Variants in AIM2 observed in about 807,000 individuals in gnomAD.
The protein encoded by AIM2 is interferon-inducible protein AIM2.
In AIM2, 30 loss-of-function variants were observed where a neutral mutation model predicts 27.7. That is an observed-to-expected ratio of 1.08 (90% CI 0.81 to 1.47). AIM2 has a LOEUF of 1.47. Among genes scored for constraint, AIM2 ranks in the 40% most tolerant of loss-of-function variants. The probability of loss-of-function intolerance (pLI) is 0.00; values close to 1 mark genes in which losing one functional copy is unlikely to be tolerated. For synonymous variants in AIM2, 141 were observed against 145.3 expected (o/e 0.97, Z 0.21); for missense variants, 358 against 411.3 (o/e 0.87, Z 1.12).
At chr1:159,104,080 A>G (rs1657375307) in intron 1 of AIM2, among the ~76,000 whole-genome samples, 1 of 152,012 alleles carries the variant, frequency 6.6e-6, no homozygotes, top group African/African-American at 2.4e-5. Context: ...AGTAGGGAGT[A>G]TGGTCTGTAT....
rs560519482 is a variant in AIM2 at position 159,115,586 on chromosome 1, C to T, written c.-16+24845G>A. 2.6e-4 allele frequency among the ~76,000 whole-genome samples: 40 copies of T among 152,192 alleles called. 1 individual carries two copies. The highest frequency in any genetic ancestry group is 4.2e-4 in the South Asian group (2 of 4,812). On this transcript the variant is annotated intron_variant, in intron 1 of 2. Transcript: ENST00000368129. ...CTGACAAAAACAAAAAACGGGGAAA[C>T]GATTCCCTATTTAATAAATGGTGCT...
chr1:159,142,513 C>T (rs189144569), upstream of AIM2, among the ~76,000 whole-genome samples: 31 of 152,222 alleles, frequency 2.0e-4, no homozygotes, highest in Middle Eastern at 3.4e-3. Context: ...ACACAGCCCT[C>T]CTGTATCTCT....
At chr1:159,066,977 GTACA>G (rs1557891988) in intron 3 of AIM2, among the ~76,000 whole-genome samples, 1 of 151,998 alleles carries the variant, frequency 6.6e-6, no homozygotes, top group African/African-American at 2.4e-5. Context: ...TATTTAAAAA[GTACA>G]TCTTATTATT....
intron 1 of AIM2, among the ~76,000 whole-genome samples, chr1:159,111,870 C>T (rs537829387): frequency 1.1e-4 from 16 of 149,536 alleles, no homozygotes; most frequent in Non-Finnish European, 1.9e-4. Flanking sequence ...ATCTATCTAT[C>T]TATCTATCTA....
chr1:159,097,849 C>T (rs770355680), intron 1 of AIM2, among the ~76,000 whole-genome samples: 2 of 152,158 alleles, frequency 1.3e-5, no homozygotes, highest in Non-Finnish European at 2.9e-5. Flanking sequence ...GAATTGCAGG[C>T]ACTGAAACCA....
chr1:159,055,057 A>C, the AIM2 span: 1 of 409,224 alleles, frequency 2.4e-6, no homozygotes, highest in Non-Finnish European at 4.5e-6. Context: ...GTGCTTTTTT[A>C]ATTTTTCATA....
intron 1 of AIM2, among the ~76,000 whole-genome samples, chr1:159,101,853 CA>C (rs1305768303): frequency 2.0e-5 from 3 of 152,110 alleles, no homozygotes; most frequent in Non-Finnish European, 4.4e-5. Flanking sequence ...CAAGAGGAAG[CA>C]GAGCATAAAA....
intron 3 of AIM2, 141 bp from the exon 4 acceptor site, chr1:159,066,470 A>G: frequency 1.2e-6 from 1 of 835,748 alleles, no homozygotes; most frequent in Non-Finnish European, 1.8e-6. Context: ...GGGGATACGA[A>G]GAGAGTTGAG....
At chr1:159,056,922 A>G in the AIM2 span, among the ~76,000 whole-genome samples, 1 of 151,976 alleles carries the variant, frequency 6.6e-6, no homozygotes, top group Non-Finnish European at 1.5e-5. Context: ...AGGGGGGAGA[A>G]AGGAAAAATG....
upstream of AIM2, chr1:159,081,613 C>A: frequency 2.5e-6 from 1 of 399,396 alleles, no homozygotes. Flanking sequence ...CCAAAAATAG[C>A]ATCCAAGGGT....
chr1:159,065,946 A>G lies in AIM2; in HGVS notation c.780T>C (p.Leu260=). ...PKINTLQTQP[L]GTIVNGLFVV... ...CAAACAAACCATTCACAATTGTTCC[A>G]AGGGGCTGAGTTTGAAGCGTGTTGA... Residue 260 remains leucine (L), a synonymous_variant, in exon 4 of 6, where the codon CTT becomes CTC. Coordinates refer to ENST00000368130, the MANE Select transcript of AIM2 (RefSeq NM_004833.3). The G allele has an allele frequency of 6.2e-7, 1 of 1,613,698 alleles. No individual in the cohort carries two copies. The highest frequency in any genetic ancestry group is 8.5e-7 in the Non-Finnish European group (1 of 1,179,820).
At chr1:159,093,285 T>C (rs1046845162) in intron 1 of AIM2, among the ~76,000 whole-genome samples, 1 of 152,134 alleles carries the variant, frequency 6.6e-6, no homozygotes, top group African/African-American at 2.4e-5. Flanking sequence ...AGCTATACAA[T>C]ATTAAAAGGC....
chr1:159,144,924 T>G (rs749938555), upstream of AIM2, among the ~76,000 whole-genome samples: 9 of 152,208 alleles, frequency 5.9e-5, no homozygotes, highest in Admixed American at 3.3e-4. Context: ...AGACAGTGAA[T>G]TTGTCATTCA....
At chr1:159,127,243 T>G (rs139414298) in intron 1 of AIM2, among the ~76,000 whole-genome samples, 349 of 152,344 alleles carry the variant, frequency 2.3e-3, no homozygotes, top group African/African-American at 7.9e-3. Context: ...ACTTTCTAAA[T>G]GGTTCATATA....
intron 1 of AIM2, among the ~76,000 whole-genome samples, chr1:159,114,369 A>G (rs1399492527): frequency 6.6e-6 from 1 of 152,200 alleles, no homozygotes; most frequent in African/African-American, 2.4e-5. Flanking sequence ...TTAGTGGGAA[A>G]GGGTCCAATA....
At chr1:159,113,767 T>G (rs894866830) in intron 1 of AIM2, among the ~76,000 whole-genome samples, 4 of 152,244 alleles carry the variant, frequency 2.6e-5, no homozygotes, top group Non-Finnish European at 5.9e-5. Flanking sequence ...GCTTCAGGGA[T>G]GACCATGTAT....
At chr1:159,110,966 T>TA (rs1199908494) in intron 1 of AIM2, among the ~76,000 whole-genome samples, 2 of 152,144 alleles carry the variant, frequency 1.3e-5, no homozygotes, top group African/African-American at 2.4e-5. Context: ...GAATTATACT[T>TA]ACGCTAATGT....
chr1:159,095,278 C>T (rs1288671542), intron 1 of AIM2, among the ~76,000 whole-genome samples: 1 of 151,950 alleles, frequency 6.6e-6, no homozygotes, highest in Non-Finnish European at 1.5e-5. Context: ...TCTCTGTATC[C>T]TAAGGGATTT....
intron 1 of AIM2, among the ~76,000 whole-genome samples, chr1:159,133,934 CCTGA>C (rs1210966626): frequency 2.0e-5 from 3 of 152,168 alleles, no homozygotes; most frequent in Non-Finnish European, 4.4e-5. Flanking sequence ...TCAGACCTGA[CCTGA>C]CTCTCACCTT....
Sources: allele counts gnomAD v4.1 joint callset (sites outside exome capture counted in the v4.1 genomes callset), GRCh38; gene constraint gnomAD v4.1.1; transcripts MANE v1.5; gene names NCBI Gene and HGNC (gene_info 2026-07-23, HGNC 2026-07-21).